BICRA: variants seen among roughly 807,000 people sequenced by gnomAD.
BICRA encodes the protein BRD4-interacting chromatin-remodeling complex-associated protein.
A neutral mutation model predicts 96.9 loss-of-function variants in BICRA; 31 were observed. That is an observed-to-expected ratio of 0.32 (90% CI 0.24 to 0.43). BICRA has a LOEUF of 0.43. Among genes scored for constraint, BICRA ranks in the 20% least tolerant of loss-of-function variants. BICRA has a pLI of 1.00. For missense variants in BICRA, 2,283 were observed against 2,190.3 expected (o/e 1.04, Z -0.84); for synonymous variants, 1,350 against 1,071.8 (o/e 1.26, Z -5.07).
intron 1 of BICRA, among the ~76,000 whole-genome samples, chr19:47,640,895 A>ATTTTTT (rs35232398): frequency 2.1e-5 from 2 of 95,224 alleles, no homozygotes; most frequent in African/African-American, 4.4e-5. Context: ...TCAGAGTCAG[A>ATTTTTT]TTTTTTTTTT....
intron 5 of BICRA, 125 bp downstream of exon 5, chr19:47,676,041 G>T: frequency 3.3e-6 from 2 of 615,144 alleles, no homozygotes; most frequent in East Asian, 6.0e-5. Context: ...GAGGGCGGGG[G>T]TGGGCCACCC....
chr19:47,654,238 C>T (rs188442080), intron 1 of BICRA, among the ~76,000 whole-genome samples: 18 of 152,222 alleles, frequency 1.2e-4, no homozygotes, highest in Admixed American at 1.3e-4. Context: ...CTAATGGATG[C>T]GAAATGGTAT....
chr19:47,679,598 C>G lies in BICRA; in HGVS notation c.428C>G (p.Pro143Arg). 1 of 1,532,646 alleles carries G rather than the reference C, an allele frequency of 6.5e-7. No homozygotes were observed. Among genetic ancestry groups the G allele is most frequent in the South Asian group, 1.2e-5 (1 of 81,732 alleles). 94.9% of individuals were successfully genotyped at this position (1,532,646 alleles called of 1,614,324 possible). Residue 143 changes from proline to arginine, a missense_variant, in exon 6 of 15, where the codon CCG becomes CGG. Transcript: ENST00000594866. ...CAGCCTGCGGATGGCGGGGCAGGCC[C>G]GACGGGCGCTGGAGGGGCAGCGGCC... ...TLQPADGGAG[P>R]TGAGGAAAVA...
At position 47,664,310 on chromosome 19, in the gene BICRA, G is replaced by A. The variant is rs79485216; in HGVS notation, c.-107-6133G>A. 3.1e-3 allele frequency among the ~76,000 whole-genome samples: 467 copies of A among 152,266 alleles called. 15 individuals carry two copies. In the East Asian group the frequency reaches 0.083, roughly 27 times the overall value. ...GCTCCTGATGACAGCGCAAAACTCC[G>A]ATTGCATTACAAGTGGAGGAGGAAT... On this transcript the variant is annotated intron_variant, in intron 1 of 14. Transcript: ENST00000594866.
At chr19:47,671,941 A>G (rs1392735735) in intron 2 of BICRA, among the ~76,000 whole-genome samples, 8 of 105,062 alleles carry the variant, frequency 7.6e-5, no homozygotes, top group African/African-American at 2.6e-4. Context: ...GGATGGAGGG[A>G]TGGGTGGGTA....
Position 47,680,862 on chromosome 19 carries a change from CAGCCTGCCCACGCAG to C in BICRA, c.1697_1711del (p.Leu566_Ser570del). 3.9e-6 allele frequency: 6 copies of C among 1,552,692 alleles called. No individual in the cohort carries two copies. The South Asian group carries it at 7.2e-5, about 19-fold the overall frequency. On this transcript the variant is annotated inframe_deletion, in exon 6 of 15. Transcript: ENST00000594866. The stretch of plus-strand genomic sequence containing the variant: ...AGATGCCCGTGTCGCTGGCGGCGGG[CAGCCTGCCCACGCAG>C]AGCCAGCCAGCGCCCGCCGGGCCGG...
chr19:47,629,839 A>G (rs1362781717), intron 1 of BICRA, among the ~76,000 whole-genome samples: 5 of 151,960 alleles, frequency 3.3e-5, no homozygotes, highest in African/African-American at 9.7e-5. Context: ...TGTATTTTTA[A>G]TAGAGATGGG....
intron 1 of BICRA, among the ~76,000 whole-genome samples, chr19:47,651,667 T>C (rs1488393111): frequency 2.0e-5 from 3 of 152,074 alleles, no homozygotes; most frequent in African/African-American, 7.2e-5. Flanking sequence ...AACAGCACGA[T>C]CTTAAATAAA....
At chr19:47,622,658 A>T (rs1972081324) in intron 1 of BICRA, among the ~76,000 whole-genome samples, 1 of 142,498 alleles carries the variant, frequency 7.0e-6, no homozygotes, top group Non-Finnish European at 1.5e-5. Flanking sequence ...CGGGAGGCGG[A>T]GCTTGCAGTG....
rs773109431 is a variant in BICRA at position 47,701,300 on chromosome 19, G to T, written c.3596-28G>T. 4.4e-6 allele frequency: 7 copies of T among 1,574,348 alleles called. No individual in the cohort carries two copies. In the African/African-American group the frequency reaches 5.4e-5, roughly 12 times the overall value. ...GTCGGGGGGTCCTCATCCTAACCCC[G>T]CGGGTTTTCTTTGCCCCGATTCTGC... On this transcript the variant is annotated intron_variant, in intron 14 of 14. Transcript: ENST00000594866. This position sits in a 1 kb window ranked among gnomAD's most constrained non-coding sequence, Gnocchi z 5.4.
chr19:47,613,765 C>T (rs1373631078), intron 1 of BICRA, among the ~76,000 whole-genome samples: 2 of 151,918 alleles, frequency 1.3e-5, no homozygotes, highest in Admixed American at 6.6e-5. Context: ...CCCTCGCATT[C>T]TCCTCTGCCT....
rs778556436 is a variant in BICRA at position 47,680,152 on chromosome 19, G to C, written c.982G>C (p.Ala328Pro). 3 of 1,525,074 alleles carry C rather than the reference G, an allele frequency of 2.0e-6. No individual in the cohort carries two copies. The African/African-American group carries it at 4.2e-5, about 21-fold the overall frequency. The allele number at this position is 1,525,074 out of a possible 1,614,324, so 94.5% of individuals were successfully genotyped here. The change falls in exon 6 of 15, where the codon GCC becomes CCC. Residue 328 changes from alanine (A) to proline (P), a missense_variant. Physicochemically the swap from Ala to Pro is conservative, Grantham distance 27. Coordinates refer to ENST00000594866, the MANE Select transcript of BICRA (RefSeq NM_001394372.1). The part of the protein sequence containing the change: ...GTPSGQPLAV[A>P]PGLGSSPLVP... ...GCCCTCGGGACAGCCGCTGGCGGTGGCCCCAGGCCTCGGCTCGTCGCCACT... is the reference window on the plus strand; with the variant it reads ...GCCCTCGGGACAGCCGCTGGCGGTGCCCCCAGGCCTCGGCTCGTCGCCACT...
At chr19:47,652,399 G>A (rs968963697) in intron 1 of BICRA, among the ~76,000 whole-genome samples, 1 of 152,094 alleles carries the variant, frequency 6.6e-6, no homozygotes, top group Admixed American at 6.5e-5. Context: ...ATGCTGCCCA[G>A]GCTGGTCTCA....
intron 1 of BICRA, among the ~76,000 whole-genome samples, chr19:47,667,790 G>A (rs763408029): frequency 6.6e-6 from 1 of 152,124 alleles, no homozygotes; most frequent in Non-Finnish European, 1.5e-5. Flanking sequence ...TAACAGAGAC[G>A]CACACCCCCA....
At chr19:47,664,108 C>T (rs945964294) in intron 1 of BICRA, among the ~76,000 whole-genome samples, 1 of 152,222 alleles carries the variant, frequency 6.6e-6, no homozygotes, top group Non-Finnish European at 1.5e-5. Flanking sequence ...AACAGATAGA[C>T]TTTGCCACAT....
At chr19:47,633,010 T>C (rs1326759920) in intron 1 of BICRA, among the ~76,000 whole-genome samples, 1 of 151,946 alleles carries the variant, frequency 6.6e-6, no homozygotes, top group African/African-American at 2.4e-5. Flanking sequence ...TAAGGGTTGA[T>C]AAAGCTTAGC....
chr19:47,701,730 C>T lies in BICRA; in HGVS notation c.3998C>T (p.Pro1333Leu), dbSNP rs978041535. The change falls in exon 15 of 15, where the codon CCC becomes CTC. Residue 1333 changes from proline to leucine, a missense_variant. Pro to Leu is a moderately conservative substitution (Grantham distance 98). Transcript: ENST00000594866. This position sits in a 1 kb window ranked among gnomAD's most constrained non-coding sequence, Gnocchi z 5.4. ...ACGGCCCTGGACCCCGTGCACCAGC[C>T]CCCGCCACCCCCCGCTACCCTCAAG... ...HNTALDPVHQ[P>L]PPPPATLKVA... is the part of the protein sequence containing the mutation. 4 of 1,565,388 alleles carry T rather than the reference C, an allele frequency of 2.6e-6. No homozygotes were observed. Among genetic ancestry groups the T allele is most frequent in the African/African-American group, 1.4e-5 (1 of 73,846 alleles).
intron 1 of BICRA, among the ~76,000 whole-genome samples, chr19:47,650,599 T>C (rs1277429438): frequency 6.6e-6 from 1 of 152,170 alleles, no homozygotes; most frequent in Non-Finnish European, 1.5e-5. Flanking sequence ...GCAATGATTT[T>C]TGCACCAACC....
intron 1 of BICRA, among the ~76,000 whole-genome samples, chr19:47,611,822 G>A (rs1199736703): frequency 6.6e-6 from 1 of 152,022 alleles, no homozygotes; most frequent in Non-Finnish European, 1.5e-5. Flanking sequence ...CATTCAGCAG[G>A]CCGGGTACGC....
Sources: gnomAD v4.1 joint callset for allele counts (sites outside exome capture counted in the v4.1 genomes callset) on GRCh38, gnomAD v4.1.1 for gene constraint, Gnocchi (gnomAD v3.1) non-coding constraint, MANE v1.5 for transcripts, NCBI Gene and HGNC (gene_info 2026-07-23, HGNC 2026-07-21) for gene names.